The following ADARB2 variants were observed in gnomAD, a reference collection of about 807,000 sequenced individuals.
The protein encoded by ADARB2 is adenosine deaminase RNA specific B2 (inactive), also known as inactive double-stranded RNA-specific editase B2.
A neutral mutation model predicts 62.2 loss-of-function variants in ADARB2; 25 were observed. That is an observed-to-expected ratio of 0.40 (90% CI 0.29 to 0.56). ADARB2 has a LOEUF of 0.56. ADARB2 is among the 20% of genes least tolerant of loss of function. The probability of loss-of-function intolerance (pLI) is 0.43; values close to 1 mark genes in which losing one functional copy is unlikely to be tolerated. For synonymous variants in ADARB2, 572 were observed against 500.8 expected (o/e 1.14, Z -1.90); for missense variants, 1,071 against 1,077.4 (o/e 0.99, Z 0.08).
rs71376899 is a variant in ADARB2 at position 1,234,737 on chromosome 10, C to CTTT, written c.1362-895_1362-893dup. 3.8e-3 allele frequency among the ~76,000 whole-genome samples: 202 copies of CTTT among 53,638 alleles called. 10 individuals are homozygous for CTTT. Among genetic ancestry groups the CTTT allele is most frequent in the African/African-American group, 5.7e-3 (79 of 13,968 alleles). The allele number at this position is 53,638 out of a possible 152,430, so 35.2% of individuals were successfully genotyped here. A position where few individuals can be genotyped will look rare whatever the true frequency, so the allele number is the denominator to read the frequency against. Reference sequence around the variant, plus strand: ...GATTACAGGTGCGAGCGACCATGATCTTTTTTTTTTTTTTTTTTTTTTTTT... The same window carrying CTTT: ...GATTACAGGTGCGAGCGACCATGATCTTTTTTTTTTTTTTTTTTTTTTTTTTTT... On this transcript the variant is annotated intron_variant, in intron 5 of 9. Transcript: ENST00000381312.
rs185424833 is a variant in ADARB2, at chr10:1,403,976, C to T, written c.101-24816G>A. ...CAACCAGGCCAGTAGTTGTGGGGAG[C>T]GACATTGCACCCCAGGGTCACCAGC... is the stretch of plus-strand genomic sequence containing the variant. On this transcript the variant is annotated intron_variant, in intron 1 of 9. Transcript: ENST00000381312. Among the ~76,000 whole-genome samples the T allele has an allele frequency of 7.1e-3, 1,034 of 146,566 alleles. 18 individuals carry two copies. Among genetic ancestry groups the T allele is most frequent in the African/African-American group, 0.023 (952 of 41,154 alleles).
rs560298115 is a variant in ADARB2, at chr10:1,529,053, A to G, written c.101-149893T>C. On this transcript the variant is annotated intron_variant, in intron 1 of 9. Transcript: ENST00000381312. ...GCAGGAGCCAAGCAGCACCACCCCA[A>G]CAAATCCTCCAATCAGTCCACCCAC... 4.7e-5 allele frequency among the ~76,000 whole-genome samples: 7 copies of G among 150,424 alleles called. No individual in the cohort carries two copies. The East Asian group carries it at 1.4e-3, about 29-fold the overall frequency.
intron 1 of ADARB2, among the ~76,000 whole-genome samples, chr10:1,680,410 C>G (rs4880910): frequency 0.04 from 6,106 of 152,148 alleles, 179 homozygotes; most frequent in Middle Eastern, 0.075. Flanking sequence ...CACATACATA[C>G]AGGGGGCAGT....
chr10:1,263,211 A>C (rs995991772), intron 4 of ADARB2, among the ~76,000 whole-genome samples: 3 of 152,070 alleles, frequency 2.0e-5, no homozygotes, highest in Admixed American at 2.0e-4. Flanking sequence ...CAGCACACCA[A>C]CATGGCACAT....
At chr10:1,648,934 C>T (rs377147888) in intron 1 of ADARB2, among the ~76,000 whole-genome samples, 7 of 152,278 alleles carry the variant, frequency 4.6e-5, no homozygotes, top group Non-Finnish European at 8.8e-5. Context: ...CAGCTGCAGG[C>T]GAGTAGGTGG....
In ADARB2 at chr10:1,535,360, C is replaced by T. The variant is rs191575128; in HGVS notation, c.101-156200G>A. On this transcript the variant is annotated intron_variant, in intron 1 of 9. Transcript: ENST00000381312. ...TGAAATGAGCATTCGGCAATACCTC[C>T]GTGTGCCAGTGCAGCTGAGTTCTCG... Among the ~76,000 whole-genome samples the T allele has an allele frequency of 3.9e-4, 60 of 152,180 alleles. No individual in the cohort carries two copies. The Middle Eastern group carries it at 0.014, about 35-fold the overall frequency.
At chr10:1,220,996 A>T (rs946206096) in intron 6 of ADARB2, among the ~76,000 whole-genome samples, 2 of 152,154 alleles carry the variant, frequency 1.3e-5, no homozygotes, top group Admixed American at 1.3e-4. Flanking sequence ...AGGCTCCCTG[A>T]TGAGTTTGAG....
intron 1 of ADARB2, among the ~76,000 whole-genome samples, chr10:1,702,764 A>G (rs1270378932): frequency 6.6e-6 from 1 of 152,204 alleles, no homozygotes; most frequent in East Asian, 1.9e-4. Flanking sequence ...ATTTTCTCCC[A>G]CAAGTTCAGA....
At chr10:1,707,626 G>A (rs982898660) in intron 1 of ADARB2, among the ~76,000 whole-genome samples, 1 of 152,186 alleles carries the variant, frequency 6.6e-6, no homozygotes, top group African/African-American at 2.4e-5. Flanking sequence ...ACCTGAGGAC[G>A]GGCAGACTCG....
chr10:1,441,243 G>A (rs571101277), intron 1 of ADARB2, among the ~76,000 whole-genome samples: 20 of 152,262 alleles, frequency 1.3e-4, no homozygotes, highest in African/African-American at 4.8e-4. Context: ...AATATGTCTA[G>A]CAAAATCTTT....
intron 3 of ADARB2, among the ~76,000 whole-genome samples, chr10:1,296,362 C>T (rs570657280): frequency 6.6e-6 from 1 of 152,320 alleles, no homozygotes; most frequent in East Asian, 1.9e-4. Context: ...AGCTTTCATT[C>T]CCCACTGCTG....
At position 1,428,854 on chromosome 10, in the gene ADARB2, TACACACACGGACACACAC is replaced by T. The variant is rs1163645148; in HGVS notation, c.101-49712_101-49695del. Among the ~76,000 whole-genome samples the T allele has an allele frequency of 2.0e-3, 298 of 149,364 alleles. 1 individual carries two copies. Among genetic ancestry groups the T allele is most frequent in the East Asian group, 0.014 (70 of 5,062 alleles). On this transcript the variant is annotated intron_variant, in intron 1 of 9. Coordinates refer to ENST00000381312, the MANE Select transcript of ADARB2 (RefSeq NM_018702.4). Reference sequence around the variant, plus strand: ...ACACACACGCAATCCCACACACACATACACACACGGACACACACACACACACGGACACACACACACACA... The same window carrying T: ...ACACACACGCAATCCCACACACACATACACACACGGACACACACACACACA...
At chr10:1,323,698 T>TA (rs960272753) in intron 3 of ADARB2, among the ~76,000 whole-genome samples, 85 of 147,710 alleles carry the variant, frequency 5.8e-4, no homozygotes, top group African/African-American at 1.6e-3. Context: ...AACACAGCCT[T>TA]AAAAAAAAAA....
intron 1 of ADARB2, among the ~76,000 whole-genome samples, chr10:1,517,049 C>T (rs1832017125): frequency 6.6e-6 from 1 of 152,174 alleles, no homozygotes; most frequent in Non-Finnish European, 1.5e-5. Flanking sequence ...TCCCAGCGGT[C>T]GTGGCGTCAG....
chr10:1,692,362 C>G (rs1475564196), intron 1 of ADARB2, among the ~76,000 whole-genome samples: 1 of 152,170 alleles, frequency 6.6e-6, no homozygotes, highest in Non-Finnish European at 1.5e-5. Flanking sequence ...GGGATTCAGA[C>G]AAGGTTAGCT....
At chr10:1,732,656 A>T (rs1835248679) in intron 1 of ADARB2, among the ~76,000 whole-genome samples, 1 of 152,234 alleles carries the variant, frequency 6.6e-6, no homozygotes, top group South Asian at 2.1e-4. Context: ...GAGCGAGATA[A>T]GCGGAGGATG....
chr10:1,328,659 C>G (rs1564259078), intron 3 of ADARB2, among the ~76,000 whole-genome samples: 1 of 152,128 alleles, frequency 6.6e-6, no homozygotes, highest in Non-Finnish European at 1.5e-5. Context: ...CCCTCCAGAG[C>G]TTGGCATGTA....
rs563667252 is a variant in ADARB2, at chr10:1,576,679, G to T, written c.100+160372C>A. ...ATCAGTCTGTAGTGAGCGGAGGGGC[G>T]CTGTGCACCCTCCAGTTGGAGATGG... On this transcript the variant is annotated intron_variant, in intron 1 of 9. Coordinates refer to ENST00000381312, the MANE Select transcript of ADARB2 (RefSeq NM_018702.4). 2.0e-5 allele frequency among the ~76,000 whole-genome samples: 3 copies of T among 152,264 alleles called. No homozygotes were observed. The East Asian group carries it at 5.8e-4, about 29-fold the overall frequency.
chr10:1,504,225 C>T (rs1310429145), intron 1 of ADARB2, among the ~76,000 whole-genome samples: 2 of 152,218 alleles, frequency 1.3e-5, no homozygotes, highest in African/African-American at 4.8e-5. Context: ...GAGCCCATCG[C>T]TTCCAGCAGC....
Sources: allele counts gnomAD v4.1 joint callset (sites outside exome capture counted in the v4.1 genomes callset), GRCh38; gene constraint gnomAD v4.1.1; transcripts MANE v1.5; gene names NCBI Gene and HGNC (gene_info 2026-07-23, HGNC 2026-07-21).